The following CMYA5 variants were observed in gnomAD, a reference collection of about 807,000 sequenced individuals.
CMYA5 encodes cardiomyopathy-associated protein 5.
CMYA5 carries 246 observed loss-of-function variants against 318.9 expected under a neutral mutation model. The observed-to-expected ratio is 0.77, with a 90% CI of 0.70 to 0.86. CMYA5 has a LOEUF of 0.86. Ranked by LOEUF, CMYA5 falls within the 40% of genes least tolerant of loss-of-function variation. The pLI is 0.00. For synonymous variants in CMYA5, 1,641 were observed against 1,729.5 expected (o/e 0.95, Z 1.27); for missense variants, 4,589 against 4,678.2 (o/e 0.98, Z 0.56).
At position 79,732,564 on chromosome 5, in the gene CMYA5, G is replaced by T; in HGVS notation, c.3799G>T (p.Glu1267Ter). 1 of 1,612,974 alleles carries T rather than the reference G, an allele frequency of 6.2e-7. No homozygotes were observed. The highest frequency in any genetic ancestry group is 8.5e-7 in the Non-Finnish European group (1 of 1,179,502). Residue 1267 changes from glutamate (E) to a stop codon, truncating the protein, a stop_gained, in exon 2 of 13, where the codon GAA becomes TAA. Coordinates refer to ENST00000446378, the MANE Select transcript of CMYA5 (RefSeq NM_153610.5). LOFTEE classifies it high-confidence loss of function. The stretch of plus-strand genomic sequence containing the variant: ...AGTTCTAAATGTGACTTCTGAACTA[G>T]AACAGAGAAAGTTGTCCAAGAATGA... ...KLVLNVTSEL[E>*]QRKLSKNEPE...
At chr5:79,766,053 C>T (rs973913854) in intron 9 of CMYA5, among the ~76,000 whole-genome samples, 3 of 152,086 alleles carry the variant, frequency 2.0e-5, no homozygotes, top group Admixed American at 6.6e-5. Flanking sequence ...GAGAGGGCCT[C>T]CTTGTCTTGT....
chr5:79,694,871 A>T (rs942264116), intron 1 of CMYA5, among the ~76,000 whole-genome samples: 6 of 152,198 alleles, frequency 3.9e-5, no homozygotes, highest in Non-Finnish European at 8.8e-5. Context: ...TTGACTGCTC[A>T]GGATGCCAGA....
At position 79,739,420 on chromosome 5, in the gene CMYA5, C is replaced by A; in HGVS notation, c.10638+17C>A. On this transcript the variant is annotated intron_variant, in intron 2 of 12. Coordinates refer to ENST00000446378, the MANE Select transcript of CMYA5 (RefSeq NM_153610.5). ...GCTGTAAAGGTAAATAGATGTTGAA[C>A]ACACATAATTAATAATATATATATA... The A allele has an allele frequency of 1.4e-6, 2 of 1,461,666 alleles. No homozygotes were observed. Among genetic ancestry groups the A allele is most frequent in the South Asian group, 1.4e-5 (1 of 70,966 alleles). 90.5% of individuals were successfully genotyped at this position (1,461,666 alleles called of 1,614,324 possible). A position where few individuals can be genotyped will look rare whatever the true frequency, so the allele number is the denominator to read the frequency against.
intron 9 of CMYA5, among the ~76,000 whole-genome samples, chr5:79,775,541 G>A (rs1220855623): frequency 6.6e-6 from 1 of 152,172 alleles, no homozygotes; most frequent in African/African-American, 2.4e-5. Context: ...GAGAGAGGGG[G>A]AGACAGCAAG....
rs768152032 is a variant in CMYA5 at position 79,730,213 on chromosome 5, A to C, written c.1448A>C (p.Glu483Ala). ...CCTACCCATCCCAGTGTCAAAGGAG[A>C]GAAGGAGGAAAACATGCTTGAGCCA... ...LTPTHPSVKGEKEENMLEPSI... is the reference protein window; with the variant it reads ...LTPTHPSVKGAKEENMLEPSI... The change falls in exon 2 of 13, where the codon GAG becomes GCG. Residue 483 changes from glutamate (E) to alanine (A), a missense_variant. By Grantham distance (107) the Glu-to-Ala change is moderately radical (BLOSUM62 -1). Around this residue, in one of 3 missense-constraint regions of CMYA5, gnomAD observed 2,132 missense variants for 2,131.3 expected, o/e 1.00. Transcript: ENST00000446378. The C allele has an allele frequency of 1.9e-6, 3 of 1,613,876 alleles. No homozygotes were observed. In the South Asian group the frequency reaches 3.3e-5, roughly 18 times the overall value.
At position 79,737,572 on chromosome 5, in the gene CMYA5, T is replaced by A. The variant is rs765163483; in HGVS notation, c.8807T>A (p.Leu2936His). The part of the protein sequence containing the change: ...DFTVTSKPAG[L>H]SEDQKTAFSI... ...ACAGTGACTAGTAAGCCAGCCGGAC[T>A]TTCAGAAGATCAGAAGACTGCCTTT... The change falls in exon 2 of 13, where the codon CTT becomes CAT. Residue 2936 changes from leucine to histidine, a missense_variant. By Grantham distance (99) the Leu-to-His change is moderately conservative. Coordinates refer to ENST00000446378, the MANE Select transcript of CMYA5 (RefSeq NM_153610.5). 1.2e-6 allele frequency: 2 copies of A among 1,613,728 alleles called. No homozygotes were observed. Among genetic ancestry groups the A allele is most frequent in the East Asian group, 2.2e-5 (1 of 44,874 alleles).
At chr5:79,694,229 A>AAAAC (rs922630211) in intron 1 of CMYA5, among the ~76,000 whole-genome samples, 1 of 152,234 alleles carries the variant, frequency 6.6e-6, no homozygotes, top group Non-Finnish European at 1.5e-5. Context: ...AGTCAGGATA[A>AAAAC]AAACAAACAA....
In CMYA5 at chr5:79,729,205, G is replaced by A. The variant is rs62621858; in HGVS notation, c.440G>A (p.Arg147Gln). Residue 147 changes from arginine (R) to glutamine (Q), a missense_variant, in exon 2 of 13, where the codon CGG (arginine) becomes CAG (glutamine). Physicochemically the swap from Arg to Gln is conservative, Grantham distance 43 (BLOSUM62 1). Transcript: ENST00000446378. ...AAGCATGGTTCACCATCATTACGCC[G>A]GAAAGGCAACAGAAAAAGAAATTCT... ...KSKHGSPSLR[R>Q]KGNRKRNSFE... 6,555 of 1,612,770 alleles carry A rather than the reference G, an allele frequency of 4.1e-3. 245 individuals are homozygous for A. In the African/African-American group the frequency reaches 0.077, roughly 19 times the overall value.
intron 1 of CMYA5, among the ~76,000 whole-genome samples, chr5:79,723,456 A>AAT (rs1554033136): frequency 3.3e-5 from 5 of 150,394 alleles, no homozygotes; most frequent in Non-Finnish European, 7.4e-5. Context: ...AAAAAAAAAA[A>AAT]AAAGAAAAGA....
At chr5:79,698,024 T>G (rs968760418) in intron 1 of CMYA5, among the ~76,000 whole-genome samples, 1 of 152,226 alleles carries the variant, frequency 6.6e-6, no homozygotes, top group African/African-American at 2.4e-5. Flanking sequence ...AACTTCCTTA[T>G]ATGCTGTATG....
chr5:79,771,225 G>C (rs1423636991), intron 9 of CMYA5, among the ~76,000 whole-genome samples: 2 of 152,192 alleles, frequency 1.3e-5, no homozygotes, highest in Non-Finnish European at 2.9e-5. Context: ...TTAGCAGTCA[G>C]GATTTAAACC....
At chr5:79,761,991 A>C in intron 8 of CMYA5, 34 bp downstream of exon 8, 1 of 1,594,818 alleles carries the variant, frequency 6.3e-7, no homozygotes, top group Non-Finnish European at 8.5e-7. Context: ...GCATTAGAAG[A>C]CAACGCTCAG....
intron 12 of CMYA5, among the ~76,000 whole-genome samples, chr5:79,799,075 G>T (rs1277475483): frequency 2.0e-5 from 3 of 152,214 alleles, no homozygotes; most frequent in African/African-American, 7.2e-5. Flanking sequence ...CATGTGGGCA[G>T]CTGGGAGAGA....
At chr5:79,692,765 T>C (rs529757129) in intron 1 of CMYA5, among the ~76,000 whole-genome samples, 1 of 152,310 alleles carries the variant, frequency 6.6e-6, no homozygotes, top group East Asian at 1.9e-4. Context: ...GATGAGTCAT[T>C]ATTAGCAGGA....
intron 9 of CMYA5, among the ~76,000 whole-genome samples, chr5:79,785,085 A>T (rs1286493450): frequency 6.7e-5 from 10 of 149,006 alleles, no homozygotes; most frequent in Non-Finnish European, 1.5e-4. Flanking sequence ...TTCCCTTCTG[A>T]TCTGAAATAC....
intron 1 of CMYA5, among the ~76,000 whole-genome samples, chr5:79,708,624 C>CA (rs902533023): frequency 8.0e-4 from 117 of 145,986 alleles, no homozygotes; most frequent in Non-Finnish European, 8.0e-4. Context: ...GACTCCATCT[C>CA]AAAAAAAAAA....
intron 9 of CMYA5, among the ~76,000 whole-genome samples, chr5:79,772,971 A>G (rs1400236946): frequency 6.6e-6 from 1 of 152,216 alleles, no homozygotes; most frequent in African/African-American, 2.4e-5. Flanking sequence ...GAAGCTCAAA[A>G]CTTGATCATC....
chr5:79,795,935 C>T (rs1829266746), intron 12 of CMYA5, among the ~76,000 whole-genome samples: 1 of 152,210 alleles, frequency 6.6e-6, no homozygotes, highest in Non-Finnish European at 1.5e-5. Flanking sequence ...GGCAGAGAGT[C>T]AGGCCCCACG....
intron 1 of CMYA5, among the ~76,000 whole-genome samples, chr5:79,726,150 T>C (rs1827743533): frequency 6.6e-6 from 1 of 152,212 alleles, no homozygotes; most frequent in Non-Finnish European, 1.5e-5. Flanking sequence ...CCACCACGTG[T>C]GTTCTCTCCT....
Sources: gnomAD v4.1 joint callset for allele counts (sites outside exome capture counted in the v4.1 genomes callset) on GRCh38, gnomAD v4.1.1 for gene constraint, gnomAD v4.1.1 regional missense constraint, MANE v1.5 for transcripts, NCBI Gene and HGNC (gene_info 2026-07-23, HGNC 2026-07-21) for gene names.